IL7R: variants seen among roughly 807,000 people sequenced by gnomAD.
The protein encoded by IL7R is interleukin 7 receptor, also known as interleukin-7 receptor subunit alpha.
IL7R carries 38 observed loss-of-function variants against 47.0 expected under a neutral mutation model. The ratio of observed to expected loss-of-function variants is 0.81; its 90% CI spans 0.62 to 1.06. The LOEUF is 1.06. Among genes scored for constraint, IL7R ranks in the 50% least tolerant of loss-of-function variants. The pLI is 0.00. For synonymous variants in IL7R, 221 were observed against 199.8 expected (o/e 1.11, Z -0.89); for missense variants, 633 against 534.8 (o/e 1.18, Z -1.81).
chr5:35,865,656 C>T (rs1297010042), intron 2 of IL7R, among the ~76,000 whole-genome samples: 2 of 152,124 alleles, frequency 1.3e-5, no homozygotes, highest in African/African-American at 4.8e-5. Context: ...ACCATTCTAA[C>T]TGGTGTGAGA....
Position 35,876,426 on chromosome 5 carries a change from C to G in IL7R, c.1320C>G (p.Ser440=), listed in dbSNP as rs2149906336. ...PVAQGQPILT[S]LGSNQEEAYV... is the part of the protein sequence containing the mutation. Reference sequence around the variant, plus strand: ...CTCAGGGTCAGCCCATTCTTACTTCCCTGGGATCAAATCAAGAAGAAGCAT... The same window carrying G: ...CTCAGGGTCAGCCCATTCTTACTTCGCTGGGATCAAATCAAGAAGAAGCAT... The change falls in exon 8 of 8, where the codon TCC becomes TCG. Residue 440 remains serine (S), a synonymous_variant. Coordinates refer to ENST00000303115, the MANE Select transcript of IL7R (RefSeq NM_002185.5). 6.2e-7 allele frequency: 1 copy of G among 1,610,884 alleles called. No homozygotes were observed. The highest frequency in any genetic ancestry group is 1.6e-4 in the Middle Eastern group (1 of 6,062).
In IL7R at chr5:35,871,094, C is replaced by A; in HGVS notation, c.418C>A (p.Arg140=). The change falls in exon 4 of 8, where the codon CGG becomes AGG. Residue 140 remains arginine, a synonymous_variant. Transcript: ENST00000303115. The part of the protein sequence containing the change: ...EAPFDLSVVY[R]EGANDFVVTF... ...TCCTTTTGACCTGAGTGTCGTCTAT[C>A]GGGAAGGAGCCAATGACTTTGTGGT... The A allele has an allele frequency of 6.2e-7, 1 of 1,612,348 alleles. No homozygotes were observed. Among genetic ancestry groups the A allele is most frequent in the Non-Finnish European group, 8.5e-7 (1 of 1,178,446 alleles).
rs202195454 is a variant in IL7R at position 35,876,836 on chromosome 5, A to G, written c.*350A>G. ...CATGAGAGGAAAGAAAGAAAGGAAA[A>G]TAAAAAATGATAGTTGCCATTATTA... On this transcript the variant is annotated 3_prime_UTR_variant, in exon 8 of 8. Coordinates refer to ENST00000303115, the MANE Select transcript of IL7R (RefSeq NM_002185.5). 6 of 356,066 alleles carry G rather than the reference A, an allele frequency of 1.7e-5. No individual in the cohort carries two copies. The highest frequency in any genetic ancestry group is 3.1e-5 in the Non-Finnish European group (6 of 193,562). 22.1% of individuals were successfully genotyped at this position (356,066 alleles called of 1,614,324 possible). A position where few individuals can be genotyped will look rare whatever the true frequency, so the allele number is the denominator to read the frequency against.
At chr5:35,866,768 A>G (rs1436103387) in intron 2 of IL7R, among the ~76,000 whole-genome samples, 2 of 152,034 alleles carry the variant, frequency 1.3e-5, no homozygotes, top group Non-Finnish European at 2.9e-5. Flanking sequence ...GATATTAGTA[A>G]TTTATATATT....
chr5:35,864,275 C>G (rs910480848), intron 2 of IL7R, among the ~76,000 whole-genome samples: 8 of 152,056 alleles, frequency 5.3e-5, no homozygotes, highest in African/African-American at 1.9e-4. Flanking sequence ...TCTTTCTCTT[C>G]TTGATGAACA....
intron 6 of IL7R, chr5:35,875,267 T>G: frequency 1.9e-6 from 1 of 537,134 alleles, no homozygotes; most frequent in East Asian, 3.3e-5. Context: ...CAGAGGTATA[T>G]TATTGTCATG....
In IL7R at chr5:35,856,949, A is replaced by G. The variant is rs200169985; in HGVS notation, c.-29A>G. The G allele has an allele frequency of 3.4e-4, 440 of 1,292,250 alleles. No individual in the cohort carries two copies. The highest frequency in any genetic ancestry group is 4.6e-4 in the Non-Finnish European group (414 of 890,834). 80.0% of individuals were successfully genotyped at this position (1,292,250 alleles called of 1,614,324 possible). A position where few individuals can be genotyped will look rare whatever the true frequency, so the allele number is the denominator to read the frequency against. ...TCATTTCATACACACTGGCTCACACATCTACTCTCTCTCTCTATCTCTCTC... is the reference window on the plus strand; with the variant it reads ...TCATTTCATACACACTGGCTCACACGTCTACTCTCTCTCTCTATCTCTCTC... On this transcript the variant is annotated 5_prime_UTR_variant, in exon 1 of 8. Coordinates refer to ENST00000303115, the MANE Select transcript of IL7R (RefSeq NM_002185.5).
rs1760218534 is a variant in IL7R at position 35,876,398 on chromosome 5, T to G, written c.1292T>G (p.Val431Gly). Residue 431 changes from valine to glycine, a missense_variant, in exon 8 of 8, where the codon GTT (valine) becomes GGT (glycine). Coordinates refer to ENST00000303115, the MANE Select transcript of IL7R (RefSeq NM_002185.5). ...TCTGGAATCCTGACATTGAACCCAG[T>G]TGCTCAGGGTCAGCCCATTCTTACT... Reference protein sequence around the residue: ...LQSGILTLNPVAQGQPILTSL... With the variant: ...LQSGILTLNPGAQGQPILTSL... 3 of 1,613,432 alleles carry G rather than the reference T, an allele frequency of 1.9e-6. No individual in the cohort carries two copies. The highest frequency in any genetic ancestry group is 2.5e-6 in the Non-Finnish European group (3 of 1,179,918).
At chr5:35,859,690 T>C (rs879612442) in intron 1 of IL7R, among the ~76,000 whole-genome samples, 2 of 152,176 alleles carry the variant, frequency 1.3e-5, no homozygotes, top group African/African-American at 2.4e-5. Flanking sequence ...AACTTTCCCA[T>C]TTTCCCTACT....
At position 35,873,604 on chromosome 5, in the gene IL7R, G is replaced by T. The variant is rs587778405; in HGVS notation, c.662G>T (p.Ser221Ile). Residue 221 changes from serine to isoleucine, a missense_variant, in exon 5 of 8, where the codon AGT becomes ATT. Ser to Ile is a moderately radical substitution (Grantham distance 142). Transcript: ENST00000303115. ...TTTAAAGGCTTCTGGAGTGAATGGAGTCCAAGTTATTACTTCAGAACTCCA... is the reference window on the plus strand; with the variant it reads ...TTTAAAGGCTTCTGGAGTGAATGGATTCCAAGTTATTACTTCAGAACTCCA... ...HYFKGFWSEW[S>I]PSYYFRTPEI... is the part of the protein sequence containing the mutation. The T allele has an allele frequency of 2.5e-6, 4 of 1,613,870 alleles. No homozygotes were observed. The Admixed American group carries it at 6.7e-5, about 27-fold the overall frequency.
At chr5:35,865,003 C>T (rs1021519047) in intron 2 of IL7R, among the ~76,000 whole-genome samples, 4 of 152,020 alleles carry the variant, frequency 2.6e-5, no homozygotes, top group Non-Finnish European at 4.4e-5. Flanking sequence ...GGTACATGTG[C>T]ACAACGTGTA....
At chr5:35,871,810 G>A (rs1760080753) in intron 4 of IL7R, among the ~76,000 whole-genome samples, 1 of 152,168 alleles carries the variant, frequency 6.6e-6, no homozygotes, top group African/African-American at 2.4e-5. Context: ...TGGGGAGGAG[G>A]TGGCAGAAGA....
At position 35,860,665 on chromosome 5, in the gene IL7R, T is replaced by C. The variant is rs1494559; in HGVS notation, c.83-187T>C. Among the ~76,000 whole-genome samples the C allele has an allele frequency of 0.13, 19,914 of 152,196 alleles. 1,313 individuals carry two copies. Among genetic ancestry groups the C allele is most frequent in the East Asian group, 0.14 (743 of 5,172 alleles). Reference sequence around the variant, plus strand: ...ATTGAGCGTTTTTGTTTTTTGTTTTTTGTTGGTTGGTTGGTTTTGAAGCAT... The same window carrying C: ...ATTGAGCGTTTTTGTTTTTTGTTTTCTGTTGGTTGGTTGGTTTTGAAGCAT... On this transcript the variant is annotated intron_variant, in intron 1 of 7. Transcript: ENST00000303115.
intron 6 of IL7R, among the ~76,000 whole-genome samples, chr5:35,875,200 T>C (rs1272564614): frequency 6.6e-6 from 1 of 152,224 alleles, no homozygotes; most frequent in Non-Finnish European, 1.5e-5. Flanking sequence ...CTTCCATAGC[T>C]GCACCAAAAT....
At chr5:35,861,984 A>G (rs1374368708) in intron 2 of IL7R, among the ~76,000 whole-genome samples, 3 of 152,188 alleles carry the variant, frequency 2.0e-5, no homozygotes, top group African/African-American at 4.8e-5. Flanking sequence ...CACAGTCTAT[A>G]GTCCAAACAA....
chr5:35,874,939 T>C (rs1234270869), intron 6 of IL7R, among the ~76,000 whole-genome samples: 1 of 152,240 alleles, frequency 6.6e-6, no homozygotes, highest in East Asian at 1.9e-4. Context: ...ATAAAAATGA[T>C]GTTTTAAACA....
chr5:35,873,031 A>C (rs1031646497), intron 4 of IL7R, among the ~76,000 whole-genome samples: 4 of 148,274 alleles, frequency 2.7e-5, no homozygotes, highest in African/African-American at 9.8e-5. Context: ...GTTTTTTTTT[A>C]ATCTTAAAGA....
rs201431556 is a variant in IL7R at position 35,873,533 on chromosome 5, G to C, written c.591G>C (p.Pro197=). The C allele has an allele frequency of 1.2e-6, 2 of 1,613,808 alleles. No homozygotes were observed. Among genetic ancestry groups the C allele is most frequent in the Non-Finnish European group, 1.7e-6 (2 of 1,179,880 alleles). Residue 197 remains proline, a synonymous_variant, in exon 5 of 8, where the codon CCG becomes CCC. Coordinates refer to ENST00000303115, the MANE Select transcript of IL7R (RefSeq NM_002185.5). ...KLTLLQRKLQ[P]AAMYEIKVRS... is the part of the protein sequence containing the mutation. ...CACTCCTGCAGAGAAAGCTCCAACC[G>C]GCAGCAATGTATGAGATTAAAGTTC...
At chr5:35,857,326 T>C (rs1045476687) in intron 1 of IL7R, among the ~76,000 whole-genome samples, 5 of 110,954 alleles carry the variant, frequency 4.5e-5, no homozygotes, top group Admixed American at 1.8e-4. Context: ...ATGATTACTC[T>C]GCTCTTACAA....
Sources: gnomAD v4.1 joint callset for allele counts (sites outside exome capture counted in the v4.1 genomes callset) on GRCh38, gnomAD v4.1.1 for gene constraint, MANE v1.5 for transcripts, NCBI Gene and HGNC (gene_info 2026-07-23, HGNC 2026-07-21) for gene names.